YTHDC1: variants seen among roughly 807,000 people sequenced by gnomAD.
YTHDC1 encodes YTH domain-containing protein 1.
In YTHDC1, 12 loss-of-function variants were observed where a neutral mutation model predicts 107.0. That is an observed-to-expected ratio of 0.11 (90% CI 0.07 to 0.18). The LOEUF (loss-of-function observed/expected upper bound fraction) is 0.18, where lower values mean the gene tolerates loss of function less well. Among genes scored for constraint, YTHDC1 ranks in the 10% least tolerant of loss-of-function variants. The pLI, the probability that YTHDC1 is intolerant of heterozygous loss-of-function variation, is 1.00. For missense variants in YTHDC1, 635 were observed against 898.8 expected (o/e 0.71, Z 3.75); for synonymous variants, 280 against 289.5 (o/e 0.97, Z 0.33).
Position 68,327,740 on chromosome 4 carries a change from A to G in YTHDC1, c.1349+2262T>C, listed in dbSNP as rs530132405. On this transcript the variant is annotated intron_variant, in intron 9 of 16. Transcript: ENST00000344157. ...ATTTATTAAATTTAAATGTTCTGAG[A>G]CTCAAATGTAATTCTCACTATATAG... is the stretch of plus-strand genomic sequence containing the variant. Among the ~76,000 whole-genome samples the G allele has an allele frequency of 1.1e-4, 17 of 152,286 alleles. 1 individual carries two copies. In the East Asian group the frequency reaches 3.1e-3, roughly 28 times the overall value.
chr4:68,329,594 C>CA (rs1349229321), intron 9 of YTHDC1, among the ~76,000 whole-genome samples: 1 of 152,126 alleles, frequency 6.6e-6, no homozygotes, highest in African/African-American at 2.4e-5. Flanking sequence ...AATCTTAACT[C>CA]AGTTTCAGAA....
chr4:68,325,551 T>G (rs1376880152), intron 9 of YTHDC1, among the ~76,000 whole-genome samples: 3 of 152,128 alleles, frequency 2.0e-5, no homozygotes, highest in Non-Finnish European at 4.4e-5. Flanking sequence ...CTCAGACCTT[T>G]TTTTAAATTT....
At chr4:68,341,711 T>C (rs1456556178) in intron 1 of YTHDC1, among the ~76,000 whole-genome samples, 1 of 152,172 alleles carries the variant, frequency 6.6e-6, no homozygotes. Flanking sequence ...AGTACTTTTC[T>C]CCATCACTGA....
At chr4:68,344,328 T>TA (rs1176803192) in intron 1 of YTHDC1, among the ~76,000 whole-genome samples, 1 of 48,274 alleles carries the variant, frequency 2.1e-5, no homozygotes, top group Non-Finnish European at 4.9e-5. Context: ...ATCTTAAACT[T>TA]GAAAAAACCC....
chr4:68,334,978 A>AT (rs1489420045), intron 4 of YTHDC1, among the ~76,000 whole-genome samples: 1 of 152,254 alleles, frequency 6.6e-6, no homozygotes, highest in East Asian at 1.9e-4. Context: ...TAGCATTAGC[A>AT]TGAGAAATCT....
chr4:68,347,817 T>C (rs1452078607), intron 1 of YTHDC1, among the ~76,000 whole-genome samples: 1 of 152,198 alleles, frequency 6.6e-6, no homozygotes, highest in Non-Finnish European at 1.5e-5. Context: ...AAGTGTGTGA[T>C]GATGATCATC....
In YTHDC1 at chr4:68,349,813, G is replaced by A. The variant is rs1725903769; in HGVS notation, c.-60C>T. 4 of 1,609,768 alleles carry A rather than the reference G, an allele frequency of 2.5e-6. No homozygotes were observed. Among genetic ancestry groups the A allele is most frequent in the Non-Finnish European group, 3.4e-6 (4 of 1,178,006 alleles). On this transcript the variant is annotated 5_prime_UTR_variant, in exon 1 of 17. Coordinates refer to ENST00000344157, the MANE Select transcript of YTHDC1 (RefSeq NM_001031732.4). ...CCGCCGCTTAGACGCGACTCGCGCGGGCGCCGCAGCCGCGGCAGAAGCACG... is the reference window on the plus strand; with the variant it reads ...CCGCCGCTTAGACGCGACTCGCGCGAGCGCCGCAGCCGCGGCAGAAGCACG...
chr4:68,327,210 T>C (rs1396659200), intron 9 of YTHDC1, among the ~76,000 whole-genome samples: 2 of 151,882 alleles, frequency 1.3e-5, no homozygotes, highest in Non-Finnish European at 2.9e-5. Flanking sequence ...CACTCTAGCC[T>C]GGGCAACAAG....
At chr4:68,344,193 G>A (rs1341705287) in intron 1 of YTHDC1, 13 of 149,102 alleles carry the variant, frequency 8.7e-5, no homozygotes, top group African/African-American at 2.5e-4. Flanking sequence ...CCTGAACAAA[G>A]AGCATGCTGG....
rs1578032918 is a variant in YTHDC1 at position 68,324,898 on chromosome 4, C to T, written c.1350-675G>A. On this transcript the variant is annotated intron_variant, in intron 9 of 16. Transcript: ENST00000344157. ...TGGTTTTAAGATCTCTAAGCCATGA[C>T]AAAATGGTCTCACCAAACTTAAAAA... Among the ~76,000 whole-genome samples, 3 of 152,248 alleles carry T rather than the reference C, an allele frequency of 2.0e-5. No individual in the cohort carries two copies. In the East Asian group the frequency reaches 5.8e-4, roughly 29 times the overall value.
At chr4:68,336,028 A>C (rs562022003) in intron 4 of YTHDC1, among the ~76,000 whole-genome samples, 10 of 148,064 alleles carry the variant, frequency 6.8e-5, no homozygotes, top group Admixed American at 2.0e-4. Context: ...TATAGTATAG[A>C]TATATACTAT....
chr4:68,324,318 T>C lies in YTHDC1; in HGVS notation c.1350-95A>G, dbSNP rs118065833. 1.6e-3 allele frequency: 1,711 copies of C among 1,057,006 alleles called. 34 individuals carry two copies. In the East Asian group the frequency reaches 0.039, roughly 24 times the overall value. The allele number at this position is 1,057,006 out of a possible 1,614,324, so 65.5% of individuals were successfully genotyped here. On this transcript the variant is annotated intron_variant, in intron 9 of 16. Coordinates refer to ENST00000344157, the MANE Select transcript of YTHDC1 (RefSeq NM_001031732.4). The stretch of plus-strand genomic sequence containing the variant: ...GTGAATTCCTGTATTAACTGTGACT[T>C]AAATGTGACTAAATTTTAAAAACCA...
chr4:68,328,516 T>TTATG (rs1356821561), intron 9 of YTHDC1, among the ~76,000 whole-genome samples: 1 of 152,182 alleles, frequency 6.6e-6, no homozygotes, highest in Non-Finnish European at 1.5e-5. Flanking sequence ...AATACCATAA[T>TTATG]TATGTATTTT....
intron 9 of YTHDC1, among the ~76,000 whole-genome samples, chr4:68,328,028 T>C (rs376613630): frequency 2.0e-5 from 3 of 152,206 alleles, no homozygotes; most frequent in South Asian, 4.1e-4. Flanking sequence ...TGAGTCTGTC[T>C]ACCTCTTCGG....
intron 15 of YTHDC1, among the ~76,000 whole-genome samples, chr4:68,317,066 A>G (rs566389002): frequency 6.6e-6 from 1 of 152,268 alleles, no homozygotes; most frequent in African/African-American, 2.4e-5. Flanking sequence ...CCTTGTCTCT[A>G]TAAAAAAATT....
intron 7 of YTHDC1, 30 bp from the exon 8 acceptor site, chr4:68,330,340 GAAATT>G: frequency 7.3e-7 from 1 of 1,375,994 alleles, no homozygotes; most frequent in Non-Finnish European, 9.8e-7. Context: ...ACCACAAAGT[GAAATT>G]AACTACAACT....
chr4:68,349,848 G>A lies in YTHDC1; in HGVS notation c.-95C>T. On this transcript the variant is annotated 5_prime_UTR_variant, in exon 1 of 17. It adds an upstream start codon to the 5' untranslated region. Coordinates refer to ENST00000344157, the MANE Select transcript of YTHDC1 (RefSeq NM_001031732.4). Reference sequence around the variant, plus strand: ...CCGCGGCAGAAGCACGGGCCCGTCCGTCAGTCCGTCTGCCCGGATACGCGC... The same window carrying A: ...CCGCGGCAGAAGCACGGGCCCGTCCATCAGTCCGTCTGCCCGGATACGCGC... 1 of 1,563,050 alleles carries A rather than the reference G, an allele frequency of 6.4e-7. No individual in the cohort carries two copies. Among genetic ancestry groups the A allele is most frequent in the South Asian group, 1.1e-5 (1 of 89,292 alleles).
At chr4:68,333,247 C>G in intron 5 of YTHDC1, 61 bp downstream of exon 5, 1 of 1,337,368 alleles carries the variant, frequency 7.5e-7, no homozygotes, top group South Asian at 1.3e-5. Flanking sequence ...ACAGCCTCCA[C>G]ACGCTTTCTA....
intron 1 of YTHDC1, among the ~76,000 whole-genome samples, chr4:68,343,451 C>T (rs1455222305): frequency 6.7e-6 from 1 of 149,322 alleles, no homozygotes; most frequent in Non-Finnish European, 1.5e-5. Flanking sequence ...ATCCACCTGC[C>T]TTGGCCTCCC....
Sources: gnomAD v4.1 joint callset for allele counts (sites outside exome capture counted in the v4.1 genomes callset) on GRCh38, gnomAD v4.1.1 for gene constraint, MANE v1.5 for transcripts, NCBI Gene and HGNC (gene_info 2026-07-23, HGNC 2026-07-21) for gene names.